The following ARHGEF18 variants were observed in gnomAD, a reference collection of about 807,000 sequenced individuals.
ARHGEF18 encodes Rho/Rac guanine nucleotide exchange factor 18.
A neutral mutation model predicts 155.7 loss-of-function variants in ARHGEF18; 93 were observed. The observed-to-expected ratio is 0.60, with a 90% CI of 0.50 to 0.71. The LOEUF (loss-of-function observed/expected upper bound fraction) is 0.71, where lower values mean the gene tolerates loss of function less well. Among genes scored for constraint, ARHGEF18 ranks in the 30% least tolerant of loss-of-function variants. The pLI, the probability that ARHGEF18 is intolerant of heterozygous loss-of-function variation, is 0.00. For synonymous variants in ARHGEF18, 742 were observed against 753.1 expected (o/e 0.99, Z 0.24); for missense variants, 1,593 against 1,816.1 (o/e 0.88, Z 2.23).
At chr19:7,425,618 G>A (rs1242843376) in intron 10 of ARHGEF18, among the ~76,000 whole-genome samples, 6 of 150,614 alleles carry the variant, frequency 4.0e-5, no homozygotes, top group Non-Finnish European at 8.8e-5. Context: ...GGAGGTGGAC[G>A]TTGCAGTGAG....
intron 10 of ARHGEF18, among the ~76,000 whole-genome samples, chr19:7,437,960 A>G (rs970371247): frequency 1.4e-5 from 2 of 147,998 alleles, no homozygotes; most frequent in African/African-American, 2.5e-5. Context: ...TCAGATTTCT[A>G]TTTCTCTTCT....
chr19:7,426,472 G>C (rs1329718288), intron 10 of ARHGEF18, among the ~76,000 whole-genome samples: 1 of 139,012 alleles, frequency 7.2e-6, no homozygotes, highest in East Asian at 2.2e-4. Context: ...GGGCGACAAA[G>C]TGAGACTCTG....
At chr19:7,404,698 C>A (rs1033984865) in intron 10 of ARHGEF18, among the ~76,000 whole-genome samples, 10 of 152,040 alleles carry the variant, frequency 6.6e-5, no homozygotes, top group African/African-American at 2.2e-4. Context: ...GATCGTGGAG[C>A]TAATCCGACC....
In ARHGEF18 at chr19:7,451,268, T is replaced by C; in HGVS notation, c.1855+2T>C. 1 of 1,613,400 alleles carries C rather than the reference T, an allele frequency of 6.2e-7. No homozygotes were observed. Among genetic ancestry groups the C allele is most frequent in the Non-Finnish European group, 8.5e-7 (1 of 1,179,830 alleles). ...AGCGCATCATCCAGAACACGGAAGG[T>C]AGGCCTTCTCCCCACTGCCCCGCCC... On this transcript the variant is annotated splice_donor_variant, in intron 16 of 28. Coordinates refer to ENST00000668164, the MANE Select transcript of ARHGEF18 (RefSeq NM_001367823.1). LOFTEE classifies it high-confidence loss of function.
intron 18 of ARHGEF18, among the ~76,000 whole-genome samples, chr19:7,457,019 C>T (rs915667868): frequency 4.6e-5 from 7 of 152,184 alleles, no homozygotes; most frequent in South Asian, 4.1e-4. Flanking sequence ...TACAGTCGTG[C>T]GCCACCGTGC....
intron 2 of ARHGEF18, among the ~76,000 whole-genome samples, chr19:7,363,257 T>C (rs975727398): frequency 1.4e-5 from 2 of 147,786 alleles, no homozygotes; most frequent in Non-Finnish European, 3.0e-5. Flanking sequence ...AATAGAAGGG[T>C]GGCTGGGTGG....
intron 1 of ARHGEF18, among the ~76,000 whole-genome samples, chr19:7,353,608 A>G (rs200162863): frequency 4.7e-5 from 7 of 150,268 alleles, no homozygotes; most frequent in African/African-American, 1.7e-4. Flanking sequence ...AAAAAGAAAA[A>G]GAAAAGAAAA....
chr19:7,385,768 G>A (rs1324089315), intron 10 of ARHGEF18, among the ~76,000 whole-genome samples: 4 of 151,270 alleles, frequency 2.6e-5, no homozygotes, highest in African/African-American at 9.7e-5. Flanking sequence ...GAGCCACCGC[G>A]CCTGGCCTGT....
In ARHGEF18 at chr19:7,463,900, G is replaced by T. The variant is rs779380006; in HGVS notation, c.2718G>T (p.Pro906=). 3 of 1,599,234 alleles carry T rather than the reference G, an allele frequency of 1.9e-6. No homozygotes were observed. The highest frequency in any genetic ancestry group is 2.3e-5 in the East Asian group (1 of 44,326). The change falls in exon 22 of 29, where the codon CCG becomes CCT. Residue 906 remains proline (P), a synonymous_variant. Coordinates refer to ENST00000668164, the MANE Select transcript of ARHGEF18 (RefSeq NM_001367823.1). This position sits in a 1 kb window ranked among gnomAD's most constrained non-coding sequence, Gnocchi z 5.2. ...QAEDGGSSTG[P]PRRAETFAGY... ...AAGACGGAGGCAGCTCCACAGGCCCGCCCAGGAGGGCTGAGACCTTCGCGG... is the reference window on the plus strand; with the variant it reads ...AAGACGGAGGCAGCTCCACAGGCCCTCCCAGGAGGGCTGAGACCTTCGCGG...
rs1481000233 is a variant in ARHGEF18 at position 7,349,006 on chromosome 19, G to T, written c.-346G>T. ...CTGCCTCCAGAACCCCCATCCTCTG[G>T]GCTCTTTTTAGGCCCCTAGATTGGC... is the stretch of plus-strand genomic sequence containing the variant. On this transcript the variant is annotated 5_prime_UTR_variant, in exon 1 of 29. Transcript: ENST00000668164. 1.3e-5 allele frequency: 2 copies of T among 152,320 alleles called. No individual in the cohort carries two copies. The highest frequency in any genetic ancestry group is 2.9e-5 in the Non-Finnish European group (2 of 68,124). 9.4% of individuals were successfully genotyped at this position (152,320 alleles called of 1,614,324 possible).
downstream of ARHGEF18, chr19:7,477,046 C>A (rs2145942405): frequency 5.0e-6 from 3 of 605,794 alleles, no homozygotes; most frequent in East Asian, 1.0e-4. Flanking sequence ...CAGGCTGAGG[C>A]CTGGGGGACC....
chr19:7,426,690 G>A (rs1180117944), intron 10 of ARHGEF18, among the ~76,000 whole-genome samples: 2 of 152,128 alleles, frequency 1.3e-5, no homozygotes, highest in African/African-American at 4.8e-5. Context: ...TGCCGTGGCT[G>A]AGAGAACGTT....
intron 3 of ARHGEF18, 129 bp downstream of exon 3, chr19:7,373,200 C>T: frequency 8.8e-7 from 1 of 1,130,162 alleles, no homozygotes; most frequent in Non-Finnish European, 1.1e-6. Context: ...CTTTTTGGTA[C>T]CAGGGACCAG....
chr19:7,398,712 G>C (rs550175683), intron 10 of ARHGEF18, among the ~76,000 whole-genome samples: 1 of 150,226 alleles, frequency 6.7e-6, no homozygotes, highest in Non-Finnish European at 1.5e-5. Flanking sequence ...AAAAAATAAA[G>C]AAAGAAAGAA....
At chr19:7,362,327 TGGA>T (rs925472699) in intron 1 of ARHGEF18, among the ~76,000 whole-genome samples, 7 of 128,060 alleles carry the variant, frequency 5.5e-5, no homozygotes, top group African/African-American at 1.7e-4. Flanking sequence ...AGGAAGAAGG[TGGA>T]GGAGGAGGAG....
Position 7,470,035 on chromosome 19 carries a change from C to T in ARHGEF18, c.3913+6C>T. ...CAGTCCTGCGCCCCCACCAGGTGAG[C>T]CCCCACCCCCTGACATGAGCCCAGT... On this transcript the variant is annotated splice_donor_region_variant and intron_variant, in intron 28 of 28. Transcript: ENST00000668164. This position sits in a 1 kb window ranked among gnomAD's most constrained non-coding sequence, Gnocchi z 5.9. 6.2e-7 allele frequency: 1 copy of T among 1,612,406 alleles called. No individual in the cohort carries two copies.
At chr19:7,403,271 A>C (rs115722127) in intron 10 of ARHGEF18, among the ~76,000 whole-genome samples, 1,615 of 152,222 alleles carry the variant, frequency 0.011, 21 homozygotes, top group African/African-American at 0.025. Context: ...ATGTTCACAG[A>C]GTGGTGCAGC....
At chr19:7,422,361 C>G (rs1037613869) in intron 10 of ARHGEF18, among the ~76,000 whole-genome samples, 3 of 151,946 alleles carry the variant, frequency 2.0e-5, no homozygotes, top group East Asian at 1.9e-4. Context: ...CATGCCCCCC[C>G]GCCCCGCGCA....
chr19:7,450,088 C>T (rs551020492), intron 15 of ARHGEF18, among the ~76,000 whole-genome samples: 121 of 151,114 alleles, frequency 8.0e-4, no homozygotes, highest in Non-Finnish European at 1.4e-3. Flanking sequence ...AGGAAGGAGC[C>T]CCCAGCCTTG....
Sources: allele counts gnomAD v4.1 joint callset (sites outside exome capture counted in the v4.1 genomes callset), GRCh38; gene constraint gnomAD v4.1.1; non-coding constraint Gnocchi (gnomAD v3.1); transcripts MANE v1.5; gene names NCBI Gene and HGNC (gene_info 2026-07-23, HGNC 2026-07-21).